The following MAP4K3 variants were observed in gnomAD, a reference collection of about 807,000 sequenced individuals.
The protein encoded by MAP4K3 is MAPK/ERK kinase kinase kinase 3.
Under a neutral mutation model 143.5 loss-of-function variants are expected in MAP4K3, and 94 were observed. That is an observed-to-expected ratio of 0.65 (90% CI 0.55 to 0.78). The LOEUF is 0.78. Ranked by LOEUF, MAP4K3 falls within the 30% of genes least tolerant of loss-of-function variation. MAP4K3 has a pLI of 0.00. For missense variants in MAP4K3, 1,077 were observed against 1,068.1 expected, an observed-to-expected ratio of 1.01 and a Z score of -0.12; for synonymous variants, 416 against 347.2, an observed-to-expected ratio of 1.20 and a Z score of -2.20.
chr2:39,407,845 G>A (rs750213420), intron 1 of MAP4K3, among the ~76,000 whole-genome samples: 29 of 152,070 alleles, frequency 1.9e-4, no homozygotes, highest in Non-Finnish European at 3.4e-4. Flanking sequence ...CAAAGTGCTG[G>A]GAGTGCAGGT....
At chr2:39,264,975 T>C (rs1402799942) in intron 28 of MAP4K3, among the ~76,000 whole-genome samples, 2 of 152,194 alleles carry the variant, frequency 1.3e-5, no homozygotes, top group African/African-American at 4.8e-5. Context: ...TGAGACACTA[T>C]TTCCAGCTCC....
intron 1 of MAP4K3, among the ~76,000 whole-genome samples, chr2:39,420,185 C>T (rs748386531): frequency 2.0e-5 from 3 of 152,204 alleles, no homozygotes; most frequent in Non-Finnish European, 4.4e-5. Flanking sequence ...AAAGCAAACG[C>T]TAAACAATCA....
chr2:39,356,110 T>C (rs1665603995), intron 3 of MAP4K3, 139 bp downstream of exon 3: 1 of 592,056 alleles, frequency 1.7e-6, no homozygotes, highest in Admixed American at 3.1e-5. Flanking sequence ...TAAGTAAAAA[T>C]TCCATTGGTA....
At chr2:39,304,405 C>T (rs1573122052) in intron 15 of MAP4K3, among the ~76,000 whole-genome samples, 1 of 152,294 alleles carries the variant, frequency 6.6e-6, no homozygotes, top group South Asian at 2.1e-4. Context: ...ATTCCTCAGG[C>T]TTTTAGTGGC....
chr2:39,290,350 T>C lies in MAP4K3; in HGVS notation c.1272-16A>G. 6.3e-7 allele frequency: 1 copy of C among 1,583,574 alleles called. No homozygotes were observed. Among genetic ancestry groups the C allele is most frequent in the South Asian group, 1.1e-5 (1 of 87,606 alleles). On this transcript the variant is annotated splice_polypyrimidine_tract_variant and intron_variant, in intron 18 of 33. Coordinates refer to ENST00000263881, the MANE Select transcript of MAP4K3 (RefSeq NM_003618.4). ...CAGAGTTGAGCTAAAAACAGAAAAG[T>C]TTAGAATCAGAACTATTCATTTTAC...
rs762884722 is a variant in MAP4K3, at chr2:39,265,281, T to C, written c.2058A>G (p.Lys686=). The C allele has an allele frequency of 1.2e-6, 2 of 1,612,902 alleles. No individual in the cohort carries two copies. The highest frequency in any genetic ancestry group is 2.7e-5 in the African/African-American group (2 of 75,010). The change falls in exon 28 of 34, where the codon AAA becomes AAG. Residue 686 remains lysine, a synonymous_variant. Coordinates refer to ENST00000263881, the MANE Select transcript of MAP4K3 (RefSeq NM_003618.4). ...TAGTCTGAAGTGCTCCACATAGGTA[T>C]TTATGGCCCGTGTAAGGATTTCTTA... is the stretch of plus-strand genomic sequence containing the variant. ...CVVRNPYTGH[K]YLCGALQTSI... is the part of the protein sequence containing the mutation.
chr2:39,377,913 C>T (rs1452405326), intron 2 of MAP4K3, among the ~76,000 whole-genome samples, 153 bp downstream of exon 2: 1 of 152,110 alleles, frequency 6.6e-6, no homozygotes, highest in African/African-American at 2.4e-5. Flanking sequence ...GTATGCAGAA[C>T]TTGAAGAAGT....
At chr2:39,376,590 G>A (rs1666224980) in intron 2 of MAP4K3, among the ~76,000 whole-genome samples, 1 of 152,088 alleles carries the variant, frequency 6.6e-6, no homozygotes. Context: ...GCTCAGTGCT[G>A]GGGGCACAAA....
chr2:39,429,583 C>CT (rs1665219306), intron 1 of MAP4K3, among the ~76,000 whole-genome samples: 1 of 152,144 alleles, frequency 6.6e-6, no homozygotes, highest in Admixed American at 6.5e-5. Context: ...GATATCACCA[C>CT]TGGGGGAAGG....
chr2:39,325,912 C>G lies in MAP4K3; in HGVS notation c.712G>C (p.Asp238His). The change falls in exon 10 of 34, where the codon GAT (aspartate) becomes CAT (histidine). Residue 238 changes from aspartate to histidine, a missense_variant. Around this residue, in one of 2 missense-constraint regions of MAP4K3, gnomAD observed 864 missense variants for 801.2 expected, o/e 1.08. Coordinates refer to ENST00000263881, the MANE Select transcript of MAP4K3 (RefSeq NM_003618.4). ...AAAAATACTTACCATTTCATTTTAT[C>G]CTTTAGTTTAGGAGGCTGAAAATTG... ...KSNFQPPKLKDKMKWSNSFHH... is the reference protein window; with the variant it reads ...KSNFQPPKLKHKMKWSNSFHH... The G allele has an allele frequency of 6.3e-7, 1 of 1,589,916 alleles. No homozygotes were observed. Among genetic ancestry groups the G allele is most frequent in the African/African-American group, 1.3e-5 (1 of 74,188 alleles).
chr2:39,290,442 T>C (rs1273147247), intron 18 of MAP4K3, 108 bp from the exon 19 acceptor site: 3 of 685,474 alleles, frequency 4.4e-6, no homozygotes, highest in South Asian at 2.1e-5. Context: ...AAGACAAATA[T>C]CATTTTCTAA....
chr2:39,297,475 T>C (rs1174840917), intron 16 of MAP4K3, among the ~76,000 whole-genome samples: 2 of 152,174 alleles, frequency 1.3e-5, no homozygotes. Context: ...TCAGAAAAGC[T>C]GACCTTAGTG....
intron 1 of MAP4K3, among the ~76,000 whole-genome samples, chr2:39,433,802 T>C (rs1252606568): frequency 6.6e-6 from 1 of 152,156 alleles, no homozygotes; most frequent in Non-Finnish European, 1.5e-5. Flanking sequence ...ACTTACAAGA[T>C]ACGACTTTAG....
chr2:39,325,688 T>C, intron 11 of MAP4K3, 42 bp downstream of exon 11: 1 of 1,559,358 alleles, frequency 6.4e-7, no homozygotes. Context: ...TAACATTTTA[T>C]CTTTTGAAAT....
At chr2:39,278,210 T>G (rs1038055583) in intron 24 of MAP4K3, among the ~76,000 whole-genome samples, 197 bp downstream of exon 24, 10 of 150,316 alleles carry the variant, frequency 6.7e-5, no homozygotes, top group Non-Finnish European at 1.0e-4. Context: ...TGAAACTGGT[T>G]GCAGTGAGCC....
intron 16 of MAP4K3, among the ~76,000 whole-genome samples, chr2:39,296,697 GCAAA>G (rs1014139608): frequency 2.0e-5 from 3 of 152,000 alleles, no homozygotes; most frequent in African/African-American, 7.3e-5. Flanking sequence ...AAACCAACAA[GCAAA>G]CAAACAAAAA....
intron 1 of MAP4K3, among the ~76,000 whole-genome samples, chr2:39,433,138 G>A (rs532873384): frequency 6.8e-4 from 104 of 152,248 alleles, no homozygotes; most frequent in African/African-American, 2.4e-3. Flanking sequence ...TTTGGAAAAT[G>A]CCTGTGTACA....
At chr2:39,308,071 G>T (rs1185009275) in intron 14 of MAP4K3, 66 bp from the exon 15 acceptor site, 67 of 1,143,176 alleles carry the variant, frequency 5.9e-5, no homozygotes, top group Non-Finnish European at 8.1e-5. Context: ...AATTCACAAA[G>T]GGAAACTTTC....
intron 1 of MAP4K3, among the ~76,000 whole-genome samples, chr2:39,394,699 G>GT: frequency 6.6e-6 from 1 of 152,276 alleles, no homozygotes; most frequent in East Asian, 1.9e-4. Flanking sequence ...AGAAAGAAAT[G>GT]TAACACCAGA....
Sources: allele counts gnomAD v4.1 joint callset (sites outside exome capture counted in the v4.1 genomes callset), GRCh38; gene constraint gnomAD v4.1.1; regional missense constraint gnomAD v4.1.1; transcripts MANE v1.5; gene names NCBI Gene and HGNC (gene_info 2026-07-23, HGNC 2026-07-21).